Variants in GALNTL6 observed in about 807,000 individuals in gnomAD.
GALNTL6 encodes polypeptide N-acetylgalactosaminyltransferase-like 6.
In GALNTL6, 46 loss-of-function variants were observed where a neutral mutation model predicts 73.7. The observed-to-expected ratio is 0.62, with a 90% CI of 0.49 to 0.80. The LOEUF is 0.80. GALNTL6 is among the 30% of genes least tolerant of loss of function. The pLI is 0.00. For missense variants in GALNTL6, 604 were observed against 755.0 expected (o/e 0.80, Z 2.34); for synonymous variants, 259 against 263.7 (o/e 0.98, Z 0.17).
intron 2 of GALNTL6, among the ~76,000 whole-genome samples, chr4:171,927,062 T>C (rs1455124595): frequency 6.6e-6 from 1 of 151,998 alleles, no homozygotes; most frequent in Non-Finnish European, 1.5e-5. Flanking sequence ...GGGGTGGTGA[T>C]TTTTTTCTTT....
At chr4:172,241,426 C>T (rs975408814) in intron 3 of GALNTL6, among the ~76,000 whole-genome samples, 10 of 152,298 alleles carry the variant, frequency 6.6e-5, no homozygotes, top group Admixed American at 1.3e-4. Context: ...GACCTTAGGA[C>T]CTCATGAATA....
intron 7 of GALNTL6, among the ~76,000 whole-genome samples, chr4:172,845,621 A>G (rs760335218): frequency 6.6e-6 from 1 of 152,202 alleles, no homozygotes; most frequent in Non-Finnish European, 1.5e-5. Context: ...TAATTTGACT[A>G]GTTTTCAGTT....
intron 7 of GALNTL6, among the ~76,000 whole-genome samples, chr4:172,859,345 A>G (rs953936329): frequency 3.3e-5 from 5 of 152,160 alleles, no homozygotes; most frequent in Middle Eastern, 3.2e-3. Context: ...TCCTTGTTCA[A>G]GATTCAAGAT....
At chr4:172,857,264 A>T (rs1744166309) in intron 7 of GALNTL6, among the ~76,000 whole-genome samples, 1 of 152,202 alleles carries the variant, frequency 6.6e-6, no homozygotes, top group Non-Finnish European at 1.5e-5. Context: ...CAAAGGAAAG[A>T]AGTGGGGACT....
In GALNTL6 at chr4:171,834,007, G is replaced by T. The variant is rs111581935; in HGVS notation, c.138+19289G>T. On this transcript the variant is annotated intron_variant, in intron 2 of 12. Coordinates refer to ENST00000506823, the MANE Select transcript of GALNTL6 (RefSeq NM_001034845.3). Reference sequence around the variant, plus strand: ...TTCATGTTTTTGCCACAAAATGAGAGACTTCTTTCTTTGAAAAATAAAAAA... The same window carrying T: ...TTCATGTTTTTGCCACAAAATGAGATACTTCTTTCTTTGAAAAATAAAAAA... 5.8e-4 allele frequency among the ~76,000 whole-genome samples: 88 copies of T among 151,506 alleles called. 1 individual carries two copies. The highest frequency in any genetic ancestry group is 2.0e-3 in the African/African-American group (83 of 41,340).
chr4:172,383,097 C>CT (rs1321348646), intron 5 of GALNTL6, among the ~76,000 whole-genome samples: 6 of 152,034 alleles, frequency 3.9e-5, no homozygotes, highest in African/African-American at 1.4e-4. Context: ...TTAAGTGTTA[C>CT]TTTGACTATT....
At chr4:172,271,296 A>T (rs539770924) in intron 3 of GALNTL6, among the ~76,000 whole-genome samples, 8 of 152,304 alleles carry the variant, frequency 5.3e-5, no homozygotes, top group African/African-American at 1.9e-4. Context: ...TAACTGCTAT[A>T]GAAGAATATA....
chr4:173,034,745 A>AC (rs1753614153), intron 12 of GALNTL6, among the ~76,000 whole-genome samples: 1 of 151,774 alleles, frequency 6.6e-6, no homozygotes, highest in African/African-American at 2.4e-5. Context: ...GGTCCTTCTG[A>AC]CCGCCTTGAT....
chr4:171,944,616 A>C (rs1365980274), intron 2 of GALNTL6, among the ~76,000 whole-genome samples: 1 of 151,954 alleles, frequency 6.6e-6, no homozygotes, highest in Non-Finnish European at 1.5e-5. Context: ...ATTTAGTATA[A>C]ATCAGAAAAT....
intron 9 of GALNTL6, among the ~76,000 whole-genome samples, chr4:172,935,470 CA>C (rs901254736): frequency 1.3e-5 from 2 of 151,768 alleles, no homozygotes; most frequent in Non-Finnish European, 2.9e-5. Flanking sequence ...AAAAAACCTT[CA>C]AAAAAATCAA....
chr4:172,377,477 A>G (rs1743075224), intron 5 of GALNTL6, among the ~76,000 whole-genome samples: 1 of 152,206 alleles, frequency 6.6e-6, no homozygotes, highest in Admixed American at 6.5e-5. Flanking sequence ...GGCTTCGCCT[A>G]GCAGATCCCG....
At chr4:172,430,640 A>T (rs528691359) in intron 5 of GALNTL6, among the ~76,000 whole-genome samples, 31 of 152,088 alleles carry the variant, frequency 2.0e-4, no homozygotes, top group African/African-American at 6.7e-4. Context: ...ACCAAAAATT[A>T]AAAAAAATAA....
chr4:172,914,369 T>C (rs191058643), intron 8 of GALNTL6, among the ~76,000 whole-genome samples: 1 of 152,322 alleles, frequency 6.6e-6, no homozygotes. Flanking sequence ...GCTAACGTCA[T>C]AATGACAGGA....
At chr4:172,127,400 T>C (rs925801386) in intron 2 of GALNTL6, among the ~76,000 whole-genome samples, 2 of 152,242 alleles carry the variant, frequency 1.3e-5, no homozygotes, top group African/African-American at 4.8e-5. Context: ...CAGGCCCACA[T>C]GCAACAGCCG....
chr4:171,957,879 C>T (rs867989368), intron 2 of GALNTL6, among the ~76,000 whole-genome samples: 3 of 152,210 alleles, frequency 2.0e-5, no homozygotes, highest in Non-Finnish European at 2.9e-5. Context: ...TATTTTCTAG[C>T]GGGAATCCTA....
At chr4:172,452,131 A>G (rs1732236355) in intron 5 of GALNTL6, among the ~76,000 whole-genome samples, 1 of 152,178 alleles carries the variant, frequency 6.6e-6, no homozygotes, top group African/African-American at 2.4e-5. Context: ...TAAATGAGTG[A>G]TTTCCTGATA....
intron 5 of GALNTL6, among the ~76,000 whole-genome samples, chr4:172,725,067 T>C (rs1433159656): frequency 1.3e-5 from 2 of 152,310 alleles, no homozygotes; most frequent in East Asian, 3.9e-4. Flanking sequence ...TCTCCGTGCT[T>C]CTGTTAGTAC....
At position 172,900,678 on chromosome 4, in the gene GALNTL6, A is replaced by G. The variant is rs141964634; in HGVS notation, c.1041+17771A>G. 9.6e-4 allele frequency among the ~76,000 whole-genome samples: 146 copies of G among 152,336 alleles called. 2 individuals are homozygous for G. The East Asian group carries it at 0.026, about 28-fold the overall frequency. On this transcript the variant is annotated intron_variant, in intron 8 of 12. Coordinates refer to ENST00000506823, the MANE Select transcript of GALNTL6 (RefSeq NM_001034845.3). ...AAAAAAATGGCATTGCTGTATTTGC[A>G]GTGTCACTGAAATTCAAGGGATATT...
chr4:172,847,372 A>G (rs138260237), intron 7 of GALNTL6, among the ~76,000 whole-genome samples: 1 of 152,104 alleles, frequency 6.6e-6, no homozygotes, highest in Admixed American at 6.6e-5. Flanking sequence ...TCATATTTTC[A>G]TATTTCTTCC....
Sources: gnomAD v4.1 joint callset for allele counts (sites outside exome capture counted in the v4.1 genomes callset) on GRCh38, gnomAD v4.1.1 for gene constraint, MANE v1.5 for transcripts, NCBI Gene and HGNC (gene_info 2026-07-23, HGNC 2026-07-21) for gene names.